SCLT1: variants seen among roughly 807,000 people sequenced by gnomAD.
SCLT1 encodes the protein sodium channel and clathrin linker 1.
Under a neutral mutation model 112.8 loss-of-function variants are expected in SCLT1, and 78 were observed. That is an observed-to-expected ratio of 0.69 (90% CI 0.58 to 0.83). The LOEUF (loss-of-function observed/expected upper bound fraction) is 0.83. Among genes scored for constraint, SCLT1 ranks in the 40% least tolerant of loss-of-function variants. SCLT1 has a pLI of 0.00. For missense variants in SCLT1, 747 were observed against 770.4 expected (o/e 0.97, Z 0.36); for synonymous variants, 257 against 254.7 (o/e 1.01, Z -0.09).
chr4:128,936,664 T>C lies in SCLT1; in HGVS notation c.1820A>G (p.Asn607Ser), dbSNP rs1320943184. The change falls in exon 18 of 21, where the codon AAT becomes AGT. Residue 607 changes from asparagine to serine, a missense_variant. Physicochemically the swap from Asn to Ser is conservative, Grantham distance 46. Around this residue, in one of 2 missense-constraint regions of SCLT1, gnomAD observed 723 missense variants for 721.3 expected, o/e 1.00. Coordinates refer to ENST00000281142, the MANE Select transcript of SCLT1 (RefSeq NM_144643.4). ...KLTESAEIRI[N>S]NLKSELSRQK... ...CTAACAGTAGACTTACTTTAGATTA[T>C]TGATTCTAATTTCTGCACTTTCAGT... 4.4e-6 allele frequency: 7 copies of C among 1,588,884 alleles called. No individual in the cohort carries two copies. The highest frequency in any genetic ancestry group is 2.2e-5 in the East Asian group (1 of 44,624).
chr4:128,910,765 T>C (rs1206529716), intron 18 of SCLT1, among the ~76,000 whole-genome samples: 1 of 152,164 alleles, frequency 6.6e-6, no homozygotes, highest in Non-Finnish European at 1.5e-5. Context: ...AATGATTTTC[T>C]ATCTTTTTAA....
At chr4:128,916,932 C>T (rs1241906744) in intron 18 of SCLT1, among the ~76,000 whole-genome samples, 1 of 152,130 alleles carries the variant, frequency 6.6e-6, no homozygotes, top group Non-Finnish European at 1.5e-5. Context: ...CAACCACTTC[C>T]CTTATTGGGC....
chr4:129,076,007 C>T (rs1357047461), intron 2 of SCLT1, among the ~76,000 whole-genome samples: 1 of 152,074 alleles, frequency 6.6e-6, no homozygotes, highest in Admixed American at 6.6e-5. Flanking sequence ...AATGTTACTA[C>T]CTTAGAAAGG....
intron 4 of SCLT1, chr4:129,039,909 C>T (rs1003081000): frequency 1.9e-5 from 7 of 373,966 alleles, no homozygotes; most frequent in African/African-American, 1.4e-4. Context: ...CGCACACACA[C>T]ACACACACAC....
rs549242673 is a variant in SCLT1 at position 129,024,308 on chromosome 4, C to G, written c.290+14733G>C. ...ACTGGAAGGCACCCCCAAGTAGGGG[C>G]AGACTGACACCTCACATGGCCGGGT... is the stretch of plus-strand genomic sequence containing the variant. On this transcript the variant is annotated intron_variant, in intron 5 of 20. Coordinates refer to ENST00000281142, the MANE Select transcript of SCLT1 (RefSeq NM_144643.4). 5.6e-3 allele frequency among the ~76,000 whole-genome samples: 857 copies of G among 152,334 alleles called. 7 individuals are homozygous for G. Among genetic ancestry groups the G allele is most frequent in the African/African-American group, 0.02 (822 of 41,574 alleles).
chr4:129,000,214 A>G (rs1046799885), intron 6 of SCLT1, among the ~76,000 whole-genome samples: 3 of 151,984 alleles, frequency 2.0e-5, no homozygotes, highest in African/African-American at 7.2e-5. Context: ...AGAGAAAAAC[A>G]GGAGAAAATC....
At chr4:129,020,308 C>G (rs988377026) in intron 5 of SCLT1, among the ~76,000 whole-genome samples, 1 of 152,190 alleles carries the variant, frequency 6.6e-6, no homozygotes, top group Non-Finnish European at 1.5e-5. Context: ...GGATATGTTA[C>G]AGTCATGGTA....
At position 129,041,428 on chromosome 4, in the gene SCLT1, G is replaced by A. The variant is rs564521135; in HGVS notation, c.234+1967C>T. Among the ~76,000 whole-genome samples the A allele has an allele frequency of 2.0e-5, 3 of 152,312 alleles. No individual in the cohort carries two copies. In the East Asian group the frequency reaches 5.8e-4, roughly 29 times the overall value. ...AATGAAAGCCTACATAATTTCAAAT[G>A]CAGTGAAAGAACCTAATTTTATTTT... On this transcript the variant is annotated intron_variant, in intron 4 of 20. Coordinates refer to ENST00000281142, the MANE Select transcript of SCLT1 (RefSeq NM_144643.4).
Position 128,916,762 on chromosome 4 carries a change from T to C in SCLT1, c.1829+19893A>G, listed in dbSNP as rs542227700. 2.6e-5 allele frequency among the ~76,000 whole-genome samples: 4 copies of C among 152,328 alleles called. No individual in the cohort carries two copies. In the East Asian group the frequency reaches 5.8e-4, roughly 22 times the overall value. Reference sequence around the variant, plus strand: ...ATTAGAGCAATGTGTCCTTGTATCATAGGCTTAGGTTCCTATACTATAAGT... The same window carrying C: ...ATTAGAGCAATGTGTCCTTGTATCACAGGCTTAGGTTCCTATACTATAAGT... On this transcript the variant is annotated intron_variant, in intron 18 of 20. Coordinates refer to ENST00000281142, the MANE Select transcript of SCLT1 (RefSeq NM_144643.4).
intron 18 of SCLT1, among the ~76,000 whole-genome samples, chr4:128,927,860 C>T (rs909090455): frequency 2.6e-5 from 4 of 151,626 alleles, no homozygotes; most frequent in African/African-American, 9.7e-5. Context: ...AACTGAGAAA[C>T]TCTGATAAGA....
intron 9 of SCLT1, among the ~76,000 whole-genome samples, chr4:128,983,281 T>C (rs946907349): frequency 2.0e-4 from 30 of 152,212 alleles, no homozygotes; most frequent in Admixed American, 1.6e-3. Flanking sequence ...TCGAAGACTT[T>C]ACAAGGCAGG....
intron 9 of SCLT1, among the ~76,000 whole-genome samples, chr4:128,989,068 A>G (rs1742341553): frequency 6.6e-6 from 1 of 151,934 alleles, no homozygotes; most frequent in African/African-American, 2.4e-5. Context: ...TTGGACAGAT[A>G]ATCTACATAG....
chr4:128,902,897 A>T (rs1010558151), intron 18 of SCLT1, among the ~76,000 whole-genome samples: 2 of 152,130 alleles, frequency 1.3e-5, no homozygotes, highest in Admixed American at 1.3e-4. Flanking sequence ...TATACATTAG[A>T]CAACGCCTAC....
At chr4:129,013,703 G>A (rs1459290636) in intron 5 of SCLT1, among the ~76,000 whole-genome samples, 1 of 152,062 alleles carries the variant, frequency 6.6e-6, no homozygotes, top group East Asian at 1.9e-4. Context: ...TCCCTTTGTA[G>A]GTGACCTCAT....
intron 2 of SCLT1, among the ~76,000 whole-genome samples, chr4:129,081,801 T>C (rs959107353): frequency 2.6e-5 from 4 of 152,222 alleles, no homozygotes; most frequent in African/African-American, 4.8e-5. Flanking sequence ...TTTGCTTCTA[T>C]AGAGAGTCAC....
chr4:128,946,609 C>T (rs904015448), intron 15 of SCLT1, among the ~76,000 whole-genome samples: 4 of 152,226 alleles, frequency 2.6e-5, no homozygotes, highest in African/African-American at 9.6e-5. Flanking sequence ...ATTATTCATG[C>T]TCATGGTAAA....
intron 10 of SCLT1, among the ~76,000 whole-genome samples, chr4:128,969,887 T>G (rs973062053): frequency 6.6e-5 from 10 of 152,194 alleles, no homozygotes; most frequent in African/African-American, 2.4e-4. Flanking sequence ...GAAATAAGGC[T>G]TAGAAAGTTA....
At chr4:128,956,426 T>A (rs1167682783) in intron 13 of SCLT1, among the ~76,000 whole-genome samples, 1 of 152,068 alleles carries the variant, frequency 6.6e-6, no homozygotes, top group Non-Finnish European at 1.5e-5. Flanking sequence ...ATATAGAAGA[T>A]GACAAATTAA....
intron 8 of SCLT1, among the ~76,000 whole-genome samples, chr4:128,995,345 C>T (rs1482813217): frequency 6.6e-6 from 1 of 152,110 alleles, no homozygotes; most frequent in Non-Finnish European, 1.5e-5. Flanking sequence ...GCAACTCTCA[C>T]TTTGTTCATA....
Sources: allele counts gnomAD v4.1 joint callset (sites outside exome capture counted in the v4.1 genomes callset), GRCh38; gene constraint gnomAD v4.1.1; regional missense constraint gnomAD v4.1.1; transcripts MANE v1.5; gene names NCBI Gene and HGNC (gene_info 2026-07-23, HGNC 2026-07-21).